The following DNHD1 variants were observed in gnomAD, a reference collection of about 807,000 sequenced individuals.
The protein encoded by DNHD1 is dynein heavy chain domain 1, also known as dynein heavy chain domain-containing protein 1.
A neutral mutation model predicts 458.1 loss-of-function variants in DNHD1; 383 were observed. The observed-to-expected ratio is 0.84, with a 90% confidence interval of 0.77 to 0.91. DNHD1 has a LOEUF of 0.91. Ranked by LOEUF, DNHD1 falls within the 40% of genes least tolerant of loss-of-function variation. DNHD1 has a pLI of 0.00. For synonymous variants in DNHD1, 2,203 were observed against 2,376.9 expected (o/e 0.93, Z 2.13); for missense variants, 5,336 against 5,866.1 (o/e 0.91, Z 2.95).
chr11:6,521,264 T>C lies in DNHD1; in HGVS notation c.1837+975T>C, dbSNP rs148032397. On this transcript the variant is annotated intron_variant, in intron 10 of 42. Coordinates refer to ENST00000254579, the MANE Select transcript of DNHD1 (RefSeq NM_144666.3). ...ACATGCTACAGATGTGCCTTCTTAC[T>C]ATTATTAGTATTAAATATGTAGATA... Among the ~76,000 whole-genome samples, 42 of 152,356 alleles carry C rather than the reference T, an allele frequency of 2.8e-4. 1 individual carries two copies. The highest frequency in any genetic ancestry group is 9.9e-4 in the African/African-American group (41 of 41,584).
rs1379702238 is a variant in DNHD1 at position 6,564,471 on chromosome 11, GA to G, written c.10424del (p.Glu3475GlyfsTer12). 6.4e-7 allele frequency: 1 copy of G among 1,551,548 alleles called. No homozygotes were observed. Among genetic ancestry groups the G allele is most frequent in the African/African-American group, 1.4e-5 (1 of 73,022 alleles). On this transcript the variant is annotated frameshift_variant, in exon 32 of 43. Transcript: ENST00000254579. LOFTEE classifies it high-confidence loss of function. ...GTTAGCTCTGTGTAGGGGCTTTCAG[GA>G]GGCTCTGGGCCCAGATGATGTGGCA... ...EWLALCRGFQ[E>X]ALGPDDVAQA...
rs145851952 is a variant in DNHD1 at position 6,563,221 on chromosome 11, CTCA to C, written c.9669+95_9669+97del. On this transcript the variant is annotated intron_variant, in intron 29 of 42. Coordinates refer to ENST00000254579, the MANE Select transcript of DNHD1 (RefSeq NM_144666.3). The stretch of plus-strand genomic sequence containing the variant: ...ATACCAAGAGGAGAGGATGGAGTGA[CTCA>C]TCATGGAATCTCCTGGGGGGAGGGG... The C allele has an allele frequency of 1.2e-4, 190 of 1,540,024 alleles. 2 individuals carry two copies. The African/African-American group carries it at 2.5e-3, about 20-fold the overall frequency.
At position 6,557,281 on chromosome 11, in the gene DNHD1, C is replaced by T; in HGVS notation, c.7986C>T (p.Pro2662=). 1 of 1,551,554 alleles carries T rather than the reference C, an allele frequency of 6.4e-7. No homozygotes were observed. Among genetic ancestry groups the T allele is most frequent in the Non-Finnish European group, 8.7e-7 (1 of 1,146,990 alleles). Residue 2662 remains proline (P), a synonymous_variant, in exon 25 of 43, where the codon CCC becomes CCT. Transcript: ENST00000254579. ...QRTFCDRLDS[P]RERSYCAKLL... is the part of the protein sequence containing the mutation. ...CCTTTTGCGACCGGCTGGACAGCCC[C>T]AGGGAACGCTCCTACTGTGCCAAGC...
chr11:6,502,768 T>C lies in DNHD1; in HGVS notation c.762T>C (p.Tyr254=), dbSNP rs2134365244. The C allele has an allele frequency of 6.2e-7, 1 of 1,601,292 alleles. No individual in the cohort carries two copies. Among genetic ancestry groups the C allele is most frequent in the African/African-American group, 1.3e-5 (1 of 74,242 alleles). Residue 254 remains tyrosine, a synonymous_variant, in exon 4 of 43, where the codon TAT becomes TAC. Transcript: ENST00000254579. ...GRKETRSQLD[Y]EVPREKAFQK... Reference sequence around the variant, plus strand: ...TGTCACACAGGTCTCAGCTTGACTATGAAGTTCCCAGGGAAAAGGCCTTCC... The same window carrying C: ...TGTCACACAGGTCTCAGCTTGACTACGAAGTTCCCAGGGAAAAGGCCTTCC...
chr11:6,514,010 AT>A (rs368995735), intron 7 of DNHD1, among the ~76,000 whole-genome samples: 22 of 151,306 alleles, frequency 1.5e-4, no homozygotes, highest in African/African-American at 3.9e-4. Flanking sequence ...CGCCCGACTA[AT>A]TTTTTTTTGT....
intron 14 of DNHD1, among the ~76,000 whole-genome samples, chr11:6,537,890 C>A (rs937793578): frequency 5.9e-5 from 9 of 152,010 alleles, no homozygotes; most frequent in African/African-American, 2.2e-4. Flanking sequence ...GAGATCACGC[C>A]ACTGCACACC....
intron 14 of DNHD1, among the ~76,000 whole-genome samples, chr11:6,537,169 A>G (rs1009855526): frequency 6.6e-6 from 1 of 152,208 alleles, no homozygotes; most frequent in African/African-American, 2.4e-5. Context: ...TTAATTATAA[A>G]TTCCTATTGA....
rs1358080892 is a variant in DNHD1, at chr11:6,557,788, T to C, written c.8493T>C (p.Ser2831=). The C allele has an allele frequency of 1.9e-6, 3 of 1,551,564 alleles. No individual in the cohort carries two copies. Among genetic ancestry groups the C allele is most frequent in the Non-Finnish European group, 2.6e-6 (3 of 1,146,962 alleles). ...FSQELILGPN[S]ETPNLYLERQ... is the part of the protein sequence containing the mutation. Reference sequence around the variant, plus strand: ...AGGAGCTGATACTGGGGCCTAACTCTGAGACCCCCAACTTGTACCTGGAAC... The same window carrying C: ...AGGAGCTGATACTGGGGCCTAACTCCGAGACCCCCAACTTGTACCTGGAAC... Residue 2831 remains serine, a synonymous_variant, in exon 25 of 43, where the codon TCT becomes TCC. Coordinates refer to ENST00000254579, the MANE Select transcript of DNHD1 (RefSeq NM_144666.3).
In DNHD1 at chr11:6,558,616, A is replaced by G. The variant is rs1255197947; in HGVS notation, c.9134A>G (p.Glu3045Gly). The change falls in exon 26 of 43, where the codon GAA becomes GGA. Residue 3045 changes from glutamate to glycine, a missense_variant. Physicochemically the swap from Glu to Gly is moderately conservative, Grantham distance 98. This residue lies in a region of DNHD1 where 3,932 missense variants were observed against 4,365.6 expected (regional missense o/e 0.90). Transcript: ENST00000254579. ...GCCACTGCCAGCATTGACCGCTATG[A>G]ACCCTGGGACCAAGCTGCCCTGGCC... ...QLATASIDRY[E>G]PWDQAALAKV... The G allele has an allele frequency of 1.0e-5, 16 of 1,551,690 alleles. No individual in the cohort carries two copies. The highest frequency in any genetic ancestry group is 1.3e-5 in the Non-Finnish European group (15 of 1,146,988).
chr11:6,498,152 C>A lies in DNHD1; in HGVS notation c.-64C>A. ...AGGCCCCGCATCTGGCATCCTGGAA[C>A]TGGCAGTTGGAGCCTGAGCTATGGG... On this transcript the variant is annotated 5_prime_UTR_variant, in exon 3 of 43. It adds an upstream start codon to the 5' untranslated region. Transcript: ENST00000254579. 2 of 1,560,348 alleles carry A rather than the reference C, an allele frequency of 1.3e-6. No individual in the cohort carries two copies. The highest frequency in any genetic ancestry group is 1.7e-6 in the Non-Finnish European group (2 of 1,151,270).
Position 6,544,808 on chromosome 11 carries a change from T to C in DNHD1, c.3869T>C (p.Val1290Ala). The change falls in exon 21 of 43, where the codon GTC becomes GCC. Residue 1290 changes from valine to alanine, a missense_variant. Around this residue, in one of 4 missense-constraint regions of DNHD1, gnomAD observed 3,932 missense variants for 4,365.6 expected, o/e 0.90. Coordinates refer to ENST00000254579, the MANE Select transcript of DNHD1 (RefSeq NM_144666.3). ...TCACCACAGAACTCTCGTTTCAAGG[T>C]CATGGATGACCAGTATCGAACCCTG... ...PNADLNSRFK[V>A]MDDQYRTLMR... The C allele has an allele frequency of 1.3e-6, 2 of 1,551,312 alleles. No individual in the cohort carries two copies. The highest frequency in any genetic ancestry group is 2.7e-5 in the African/African-American group (2 of 73,150).
At position 6,533,891 on chromosome 11, in the gene DNHD1, C is replaced by G; in HGVS notation, c.2716C>G (p.Pro906Ala). The G allele has an allele frequency of 6.4e-7, 1 of 1,551,240 alleles. No homozygotes were observed. The highest frequency in any genetic ancestry group is 8.7e-7 in the Non-Finnish European group (1 of 1,146,910). Residue 906 changes from proline to alanine, a missense_variant, in exon 14 of 43, where the codon CCA (proline) becomes GCA (alanine). Physicochemically the swap from Pro to Ala is conservative, Grantham distance 27. Transcript: ENST00000254579. ...TCTACTCCACTGCCCTCTGCTTGCC[C>G]CACAGCTTCTGGATATGTGGGAGGC... ...PHLLHCPLLA[P>A]QLLDMWEAFQ...
intron 7 of DNHD1, among the ~76,000 whole-genome samples, chr11:6,512,365 C>A (rs1431219894): frequency 6.7e-6 from 1 of 148,450 alleles, no homozygotes; most frequent in Non-Finnish European, 1.5e-5. Flanking sequence ...GGACTACAGG[C>A]ACCCACCACC....
At position 6,558,498 on chromosome 11, in the gene DNHD1, G is replaced by A. The variant is rs1401554058; in HGVS notation, c.9016G>A (p.Val3006Met). 1.9e-6 allele frequency: 3 copies of A among 1,551,584 alleles called. No individual in the cohort carries two copies. The highest frequency in any genetic ancestry group is 1.7e-6 in the Non-Finnish European group (2 of 1,147,010). The part of the protein sequence containing the change: ...EMVLQRFHQQ[V>M]CSHLHLFFLI... ...CCTGGCCCACAGGTTCCACCAGCAA[G>A]TGTGCAGCCACCTTCACCTGTTCTT... Residue 3006 changes from valine to methionine, a missense_variant, in exon 26 of 43, where the codon GTG becomes ATG. Around this residue, in one of 4 missense-constraint regions of DNHD1, gnomAD observed 3,932 missense variants for 4,365.6 expected, o/e 0.90. Transcript: ENST00000254579.
chr11:6,571,895 A>T lies in DNHD1; in HGVS notation c.14171A>T (p.Asn4724Ile). 1 of 1,614,064 alleles carries T rather than the reference A, an allele frequency of 6.2e-7. No individual in the cohort carries two copies. The highest frequency in any genetic ancestry group is 8.5e-7 in the Non-Finnish European group (1 of 1,179,896). Residue 4724 changes from asparagine (N) to isoleucine (I), a missense_variant, in exon 43 of 43, where the codon AAC (asparagine) becomes ATC (isoleucine). By Grantham distance (149) the Asn-to-Ile change is moderately radical. Coordinates refer to ENST00000254579, the MANE Select transcript of DNHD1 (RefSeq NM_144666.3). The surrounding 1 kb of genome is among the most constrained non-coding windows in gnomAD (Gnocchi z 5.0). ...PLGTAKLQSR[N>I]IVMHLPLPTK... is the part of the protein sequence containing the mutation. ...GGCACCGCTAAGCTGCAGAGCAGGA[A>T]CATCGTGATGCATCTGCCTTTACCC...
In DNHD1 at chr11:6,563,029, C is replaced by G; in HGVS notation, c.9567C>G (p.Tyr3189Ter). 6.4e-7 allele frequency: 1 copy of G among 1,551,718 alleles called. No homozygotes were observed. The highest frequency in any genetic ancestry group is 8.7e-7 in the Non-Finnish European group (1 of 1,146,990). ...QQQLEQSKLL[Y>*]KQQLEECRHQ... ...AGCTAGAGCAAAGCAAGCTCCTATA[C>G]AAGCAGCAGCTGGAAGAGTGTCGGC... Residue 3189 changes from tyrosine to a stop codon, truncating the protein, a stop_gained, in exon 29 of 43, where the codon TAC (tyrosine) becomes TAG (stop). Transcript: ENST00000254579. LOFTEE classifies it high-confidence loss of function.
At position 6,545,974 on chromosome 11, in the gene DNHD1, G is replaced by C. The variant is rs926810117; in HGVS notation, c.5035G>C (p.Glu1679Gln). Residue 1679 changes from glutamate (E) to glutamine (Q), a missense_variant, in exon 21 of 43, where the codon GAG (glutamate) becomes CAG (glutamine). Transcript: ENST00000254579. The surrounding 1 kb of genome is among the most constrained non-coding windows in gnomAD (Gnocchi z 4.9). ...CCTGGTACTATTATTGGCCCTAGAG[G>C]AGGTGGCCTGTGGGACCGTACTGGG... ...PALVLLLALE[E>Q]VACGTVLGPN... 6.4e-6 allele frequency: 10 copies of C among 1,551,682 alleles called. No homozygotes were observed. The highest frequency in any genetic ancestry group is 8.7e-6 in the Non-Finnish European group (10 of 1,147,026).
At position 6,557,017 on chromosome 11, in the gene DNHD1, G is replaced by C; in HGVS notation, c.7722G>C (p.Val2574=). Residue 2574 remains valine, a synonymous_variant, in exon 25 of 43, where the codon GTG becomes GTC. Coordinates refer to ENST00000254579, the MANE Select transcript of DNHD1 (RefSeq NM_144666.3). Reference sequence around the variant, plus strand: ...CCTCAGTAGAGGCCTGGGAGGCTGTGTGCAATTGCTTCATGCCTTCACCCC... The same window carrying C: ...CCTCAGTAGAGGCCTGGGAGGCTGTCTGCAATTGCTTCATGCCTTCACCCC... ...VRASVEAWEA[V]CNCFMPSPLH... 6.4e-7 allele frequency: 1 copy of C among 1,551,562 alleles called. No individual in the cohort carries two copies. Among genetic ancestry groups the C allele is most frequent in the Non-Finnish European group, 8.7e-7 (1 of 1,146,968 alleles).
intron 1 of DNHD1, 84 bp from the exon 2 acceptor site, chr11:6,497,501 C>G (rs1259448583): frequency 6.5e-6 from 1 of 152,708 alleles, no homozygotes; most frequent in East Asian, 1.9e-4. Context: ...TCTGTCTTCA[C>G]GACCTCCTTA....
Sources: gnomAD v4.1 joint callset for allele counts (sites outside exome capture counted in the v4.1 genomes callset) on GRCh38, gnomAD v4.1.1 for gene constraint, gnomAD v4.1.1 regional missense constraint, Gnocchi (gnomAD v3.1) non-coding constraint, MANE v1.5 for transcripts, NCBI Gene and HGNC (gene_info 2026-07-23, HGNC 2026-07-21) for gene names.